The following IPP variants were observed in gnomAD, a reference collection of about 807,000 sequenced individuals.
IPP encodes actin-binding protein IPP.
IPP carries 41 observed loss-of-function variants against 64.1 expected under a neutral mutation model. The observed-to-expected ratio is 0.64, with a 90% CI of 0.50 to 0.83. The LOEUF is 0.83. Among genes scored for constraint, IPP ranks in the 40% least tolerant of loss-of-function variants. The pLI, the probability that IPP is intolerant of heterozygous loss-of-function variation, is 0.00. For missense variants in IPP, 649 were observed against 703.0 expected (o/e 0.92, Z 0.87); for synonymous variants, 214 against 235.2 (o/e 0.91, Z 0.83).
intron 3 of IPP, among the ~76,000 whole-genome samples, chr1:45,730,020 A>C (rs1645884245): frequency 1.3e-5 from 2 of 152,216 alleles, no homozygotes; most frequent in South Asian, 4.1e-4. Context: ...TAGCAACTAA[A>C]AAATATATAT....
In IPP at chr1:45,748,085, TTTGA is replaced by T. The variant is rs139444030; in HGVS notation, c.-50-1628_-50-1625del. 6.9e-3 allele frequency among the ~76,000 whole-genome samples: 1,043 copies of T among 152,216 alleles called. 8 individuals are homozygous for T. Among genetic ancestry groups the T allele is most frequent in the African/African-American group, 0.022 (923 of 41,522 alleles). On this transcript the variant is annotated intron_variant, in intron 1 of 8. Transcript: ENST00000396478. ...TTCTAGGAATTAACTTATTGAGAAA[TTTGA>T]TTGAGAGATTCGAAGGTAGCTGCTA...
At chr1:45,702,187 C>G (rs4633316) in intron 8 of IPP, among the ~76,000 whole-genome samples, 1 of 151,868 alleles carries the variant, frequency 6.6e-6, no homozygotes, top group Non-Finnish European at 1.5e-5. Context: ...CTATATTGTT[C>G]TTCTTTCATT....
chr1:45,702,170 G>T (rs900944002), intron 8 of IPP, among the ~76,000 whole-genome samples: 1 of 152,034 alleles, frequency 6.6e-6, no homozygotes, highest in South Asian at 2.1e-4. Context: ...GGACCTTAGG[G>T]CTCATCCTAT....
At position 45,716,940 on chromosome 1, in the gene IPP, T is replaced by G; in HGVS notation, c.1264A>C (p.Asn422His). Residue 422 changes from asparagine (N) to histidine (H), a missense_variant, in exon 7 of 9, where the codon AAC becomes CAC. By Grantham distance (68) the Asn-to-His change is moderately conservative (BLOSUM62 1). Transcript: ENST00000396478. ...AAGTAGTAGCGTGACACAGCCATGT[T>G]ACCAACTACTTCCCATTTATTTTCA... ...PDENKWEVVG[N>H]MAVSRYYFGC... is the part of the protein sequence containing the mutation. The G allele has an allele frequency of 6.2e-7, 1 of 1,612,816 alleles. No homozygotes were observed. The highest frequency in any genetic ancestry group is 8.5e-7 in the Non-Finnish European group (1 of 1,178,982).
chr1:45,703,609 T>C (rs968363366), intron 8 of IPP, among the ~76,000 whole-genome samples: 6 of 151,966 alleles, frequency 3.9e-5, no homozygotes, highest in African/African-American at 1.2e-4. Context: ...TGTAAAGAAG[T>C]CCTGTGGTAA....
At chr1:45,748,143 C>T (rs748196346) in intron 1 of IPP, among the ~76,000 whole-genome samples, 8 of 152,162 alleles carry the variant, frequency 5.3e-5, no homozygotes, top group Non-Finnish European at 1.2e-4. Flanking sequence ...TACAGAATAT[C>T]AACATATTAC....
rs762747700 is a variant in IPP at position 45,729,624 on chromosome 1, C to G, written c.870G>C (p.Leu290=). ...VRPRKKARKY[L]YAVGGYTRLQ... Reference sequence around the variant, plus strand: ...TAAGGGCTCTCTCACCTACTGCATACAGGTACTTTCTTGCTTTCTTCCGAG... The same window carrying G: ...TAAGGGCTCTCTCACCTACTGCATAGAGGTACTTTCTTGCTTTCTTCCGAG... The change falls in exon 4 of 9, where the codon CTG becomes CTC. Residue 290 remains leucine (L), a synonymous_variant. Transcript: ENST00000396478. 1.6e-5 allele frequency: 26 copies of G among 1,611,192 alleles called. No individual in the cohort carries two copies. Among genetic ancestry groups the G allele is most frequent in the Non-Finnish European group, 2.0e-5 (24 of 1,178,732 alleles).
intron 5 of IPP, among the ~76,000 whole-genome samples, chr1:45,720,404 C>G (rs1003772062): frequency 1.3e-5 from 2 of 151,940 alleles, no homozygotes; most frequent in Non-Finnish European, 2.9e-5. Flanking sequence ...GTCAATGTAT[C>G]ATGAAGATTT....
intron 1 of IPP, 61 bp from the exon 2 acceptor site, chr1:45,746,522 C>T (rs541577062): frequency 8.5e-6 from 6 of 703,188 alleles, no homozygotes; most frequent in Admixed American, 2.7e-5. Context: ...TTTCTATTCA[C>T]ACATAAGAAG....
chr1:45,720,147 C>T (rs1416138316), intron 5 of IPP, among the ~76,000 whole-genome samples: 1 of 152,018 alleles, frequency 6.6e-6, no homozygotes, highest in African/African-American at 2.4e-5. Flanking sequence ...ACAATCATCG[C>T]TCACTGAAGC....
intron 5 of IPP, among the ~76,000 whole-genome samples, 157 bp downstream of exon 5, chr1:45,727,474 T>TTCCCTCCC (rs200134370): frequency 2.9e-4 from 42 of 143,954 alleles, no homozygotes; most frequent in African/African-American, 1.0e-3. Flanking sequence ...TTTCTCTTCC[T>TTCCCTCCC]TCCCTCCCTC....
chr1:45,714,135 A>C, intron 8 of IPP, 111 bp downstream of exon 8: 1 of 753,678 alleles, frequency 1.3e-6, no homozygotes, highest in Non-Finnish European at 2.1e-6. Context: ...AAAAAGGGGA[A>C]AAAAATCCAC....
intron 1 of IPP, among the ~76,000 whole-genome samples, chr1:45,749,683 G>C (rs1298612672): frequency 2.0e-5 from 3 of 151,660 alleles, no homozygotes; most frequent in African/African-American, 7.2e-5. Context: ...ACCACGCCCG[G>C]CTAATTTTTT....
At chr1:45,733,586 C>T (rs1645938902) in intron 3 of IPP, among the ~76,000 whole-genome samples, 1 of 151,552 alleles carries the variant, frequency 6.6e-6, no homozygotes, top group African/African-American at 2.4e-5. Context: ...CGCCTGAGCA[C>T]TTTGGGAGGC....
At chr1:45,738,971 G>T (rs1351815799) in intron 3 of IPP, among the ~76,000 whole-genome samples, 1 of 151,354 alleles carries the variant, frequency 6.6e-6, no homozygotes, top group African/African-American at 2.4e-5. Flanking sequence ...AGGAGCAATT[G>T]TTCAGTATTT....
In IPP at chr1:45,714,542, C is replaced by T. The variant is rs527760946; in HGVS notation, c.1310-76G>A. The T allele has an allele frequency of 5.1e-5, 44 of 867,804 alleles. No homozygotes were observed. The East Asian group carries it at 1.1e-3, about 21-fold the overall frequency. 53.8% of individuals were successfully genotyped at this position (867,804 alleles called of 1,614,324 possible). The stretch of plus-strand genomic sequence containing the variant: ...AATGATGAAAAGTAATGATTGTGAT[C>T]TATGTTTCCAATGCCGATGCTATGT... On this transcript the variant is annotated intron_variant, in intron 7 of 8. Coordinates refer to ENST00000396478, the MANE Select transcript of IPP (RefSeq NM_005897.3).
At chr1:45,726,079 G>T (rs1445930837) in intron 5 of IPP, among the ~76,000 whole-genome samples, 5 of 142,024 alleles carry the variant, frequency 3.5e-5, no homozygotes, top group African/African-American at 1.0e-4. Flanking sequence ...ACCCAAGAAT[G>T]ATCAATAAAA....
intron 4 of IPP, among the ~76,000 whole-genome samples, 177 bp from the exon 5 acceptor site, chr1:45,727,975 A>G (rs1645854409): frequency 6.6e-6 from 1 of 152,210 alleles, no homozygotes; most frequent in African/African-American, 2.4e-5. Context: ...TACAGTAAGA[A>G]GGTTAGCCTC....
In IPP at chr1:45,698,862, G is replaced by C. The variant is rs968049035; in HGVS notation, c.*1104C>G. 2 of 287,970 alleles carry C rather than the reference G, an allele frequency of 6.9e-6. No individual in the cohort carries two copies. The highest frequency in any genetic ancestry group is 1.0e-5 in the Non-Finnish European group (2 of 192,782). The allele number at this position is 287,970 out of a possible 1,614,324, so 17.8% of individuals were successfully genotyped here. On this transcript the variant is annotated 3_prime_UTR_variant, in exon 9 of 9. Transcript: ENST00000396478. ...GCCTCCCAAGCAGATGGGACCACAG[G>C]TACAAGCCACAACGCCCGGCTAATT... is the stretch of plus-strand genomic sequence containing the variant.
Sources: gnomAD v4.1 joint callset for allele counts (sites outside exome capture counted in the v4.1 genomes callset) on GRCh38, gnomAD v4.1.1 for gene constraint, MANE v1.5 for transcripts, NCBI Gene and HGNC (gene_info 2026-07-23, HGNC 2026-07-21) for gene names.